Variants in ASAH1 observed in about 807,000 individuals in gnomAD.
ASAH1 encodes the protein N-acylsphingosine amidohydrolase 1, also known as acid ceramidase.
Under a neutral mutation model 59.5 loss-of-function variants are expected in ASAH1, and 70 were observed. That is an observed-to-expected ratio of 1.18 (90% CI 0.97 to 1.43). The LOEUF (loss-of-function observed/expected upper bound fraction) is 1.43, where lower values mean the gene tolerates loss of function less well. Ranked by LOEUF, ASAH1 falls within the 40% of genes most tolerant of loss-of-function variation. The pLI is 0.00. For synonymous variants in ASAH1, 213 were observed against 166.5 expected, an observed-to-expected ratio of 1.28 and a Z score of -2.15; for missense variants, 660 against 482.5, an observed-to-expected ratio of 1.37 and a Z score of -3.45.
At position 18,059,433 on chromosome 8, in the gene ASAH1, C is replaced by G; in HGVS notation, c.949G>C (p.Val317Leu). The G allele has an allele frequency of 4.3e-6, 7 of 1,614,192 alleles. No homozygotes were observed. Among genetic ancestry groups the G allele is most frequent in the Non-Finnish European group, 5.9e-6 (7 of 1,180,032 alleles). ...LDAKQGRWYV[V>L]QTNYDRWKHP... ...TTCCAACGGTCATAATTTGTTTGTA[C>G]CACATACCATCTACCCTGCTTAGCA... Residue 317 changes from valine (V) to leucine (L), a missense_variant, in exon 12 of 14, where the codon GTA becomes CTA. Val to Leu is a conservative substitution (Grantham distance 32). Transcript: ENST00000637790.
intron 3 of ASAH1, among the ~76,000 whole-genome samples, chr8:18,070,888 T>A (rs1800141729): frequency 6.6e-6 from 1 of 152,066 alleles, no homozygotes; most frequent in African/African-American, 2.4e-5. Flanking sequence ...ATCTCCACGG[T>A]CCTTGGGGGG....
intron 1 of ASAH1, among the ~76,000 whole-genome samples, chr8:18,079,222 G>C (rs781346943): frequency 1.3e-4 from 19 of 145,118 alleles, no homozygotes; most frequent in Non-Finnish European, 2.5e-4. Context: ...GCAGTGAGAC[G>C]AGATAGTGTG....
At chr8:18,079,285 A>C (rs1018589789) in intron 1 of ASAH1, among the ~76,000 whole-genome samples, 17 of 151,602 alleles carry the variant, frequency 1.1e-4, no homozygotes, top group African/African-American at 3.4e-4. Flanking sequence ...AAAAAAAAAA[A>C]AAACAAAAAA....
At chr8:18,068,908 G>A (rs563225679) in intron 4 of ASAH1, among the ~76,000 whole-genome samples, 2 of 152,310 alleles carry the variant, frequency 1.3e-5, no homozygotes, top group Admixed American at 1.3e-4. Context: ...GGAGGTTGAG[G>A]CGGGAAGATC....
chr8:18,065,863 T>C (rs537170189), intron 5 of ASAH1: 2 of 149,284 alleles, frequency 1.3e-5, no homozygotes, highest in South Asian at 2.1e-4. Flanking sequence ...AATCACCTGA[T>C]TGTATATACA....
intron 4 of ASAH1, among the ~76,000 whole-genome samples, chr8:18,069,098 G>A (rs1213540827): frequency 6.9e-6 from 1 of 144,298 alleles, no homozygotes. Flanking sequence ...CTATGATCAT[G>A]CCAGTGCACT....
At chr8:18,071,728 G>T (rs1046785943) in intron 2 of ASAH1, among the ~76,000 whole-genome samples, 4 of 151,350 alleles carry the variant, frequency 2.6e-5, no homozygotes, top group Admixed American at 6.6e-5. Context: ...CTAAATATCT[G>T]CAAAGATTTA....
At chr8:18,062,480 A>G (rs189703202) in intron 7 of ASAH1, 57 bp from the exon 8 acceptor site, 3 of 1,594,354 alleles carry the variant, frequency 1.9e-6, no homozygotes, top group African/African-American at 2.7e-5. Flanking sequence ...AATGATCAAC[A>G]TGATGATGAG....
intron 1 of ASAH1, among the ~76,000 whole-genome samples, chr8:18,080,327 G>C (rs774243349): frequency 6.6e-6 from 1 of 152,160 alleles, no homozygotes; most frequent in African/African-American, 2.4e-5. Flanking sequence ...ATCTTATGAA[G>C]TGGGTCAGAT....
At chr8:18,080,133 G>C (rs557066951) in intron 1 of ASAH1, among the ~76,000 whole-genome samples, 315 of 152,330 alleles carry the variant, frequency 2.1e-3, no homozygotes, top group Non-Finnish European at 3.4e-3. Context: ...TAAATTCCTA[G>C]GCCAGATGGG....
At chr8:18,080,730 G>A (rs1171403419) in intron 1 of ASAH1, among the ~76,000 whole-genome samples, 1 of 152,026 alleles carries the variant, frequency 6.6e-6, no homozygotes, top group African/African-American at 2.4e-5. Flanking sequence ...GCTAATTTTT[G>A]TATTTTTAGT....
At chr8:18,062,074 T>A (rs1157615898) in intron 8 of ASAH1, 1 of 685,482 alleles carries the variant, frequency 1.5e-6, no homozygotes. Flanking sequence ...ATGCTCTTTA[T>A]CCCAGAAGAG....
At chr8:18,064,730 A>G in intron 5 of ASAH1, 199 bp from the exon 6 acceptor site, 1 of 554,254 alleles carries the variant, frequency 1.8e-6, no homozygotes, top group East Asian at 2.9e-5. Context: ...GTCACCAAGG[A>G]GGCAGCCTTC....
chr8:18,084,891 CA>C, upstream of ASAH1: 1 of 1,548,006 alleles, frequency 6.5e-7, no homozygotes, highest in Non-Finnish European at 8.7e-7. Flanking sequence ...AGTAGCTCGG[CA>C]GGGGGACTCG....
At chr8:18,070,948 C>G (rs985298732) in intron 3 of ASAH1, among the ~76,000 whole-genome samples, 1 of 152,048 alleles carries the variant, frequency 6.6e-6, no homozygotes, top group Non-Finnish European at 1.5e-5. Context: ...CGGCTCATGC[C>G]TATAATCCCA....
intron 11 of ASAH1, 34 bp from the exon 12 acceptor site, chr8:18,059,498 A>G (rs759257092): frequency 6.2e-7 from 1 of 1,614,192 alleles, no homozygotes; most frequent in South Asian, 1.1e-5. Context: ...CTCTTAGGCT[A>G]CATGCCTTAA....
At chr8:18,067,143 A>ACATCTAAGACATACAGCACCTGTGC in intron 5 of ASAH1, 77 bp downstream of exon 5, 1 of 1,321,248 alleles carries the variant, frequency 7.6e-7, no homozygotes, top group Non-Finnish European at 1.1e-6. Flanking sequence ...CCTGTGCTGT[A>ACATCTAAGACATACAGCACCTGTGC]TGTATATCAC....
chr8:18,059,821 G>A (rs1799619516), intron 10 of ASAH1, 118 bp from the exon 11 acceptor site: 1 of 1,037,492 alleles, frequency 9.6e-7, no homozygotes, highest in Non-Finnish European at 1.4e-6. Context: ...GTGCAGGTTT[G>A]TTACATAGGT....
intron 3 of ASAH1, 79 bp from the exon 4 acceptor site, chr8:18,069,957 C>G: frequency 1.0e-6 from 1 of 970,294 alleles, no homozygotes. Context: ...CCATATGTAG[C>G]TAAAAGAGAG....
Sources: allele counts gnomAD v4.1 joint callset (sites outside exome capture counted in the v4.1 genomes callset), GRCh38; gene constraint gnomAD v4.1.1; transcripts MANE v1.5; gene names NCBI Gene and HGNC (gene_info 2026-07-23, HGNC 2026-07-21).